Variants in MALRD1 observed in about 807,000 individuals in gnomAD.
MALRD1 encodes MAM and LDL receptor class A domain containing 1, also known as MAM and LDL-receptor class A domain-containing protein 1.
MALRD1 carries 247 observed loss-of-function variants against 242.1 expected under a neutral mutation model. The ratio of observed to expected loss-of-function variants is 1.02; its 90% confidence interval spans 0.92 to 1.13. The LOEUF is 1.13. Among genes scored for constraint, MALRD1 ranks in the 50% most tolerant of loss-of-function variants. MALRD1 has a pLI of 0.00. For synonymous variants in MALRD1, 995 were observed against 866.6 expected, an observed-to-expected ratio of 1.15 and a Z score of -2.60; for missense variants, 2,989 against 2,533.1, an observed-to-expected ratio of 1.18 and a Z score of -3.86.
chr10:19,071,191 A>C (rs1410474181), intron 2 of MALRD1, among the ~76,000 whole-genome samples: 1 of 151,996 alleles, frequency 6.6e-6, no homozygotes, highest in African/African-American at 2.4e-5. Context: ...AGCAGTCAAA[A>C]TATCAATTCA....
chr10:19,685,896 C>T (rs1285390775), intron 36 of MALRD1, among the ~76,000 whole-genome samples: 2 of 152,038 alleles, frequency 1.3e-5, no homozygotes, highest in Admixed American at 6.6e-5. Context: ...CAATGCCGTG[C>T]GGTGATAGGT....
At chr10:19,096,933 CCTT>C (rs1305170909) in intron 4 of MALRD1, among the ~76,000 whole-genome samples, 1 of 152,154 alleles carries the variant, frequency 6.6e-6, no homozygotes, top group East Asian at 1.9e-4. Context: ...CTAGGTCTCT[CCTT>C]TAATGAAATT....
intron 38 of MALRD1, among the ~76,000 whole-genome samples, chr10:19,693,429 T>C (rs563269292): frequency 5.3e-5 from 8 of 152,036 alleles, no homozygotes; most frequent in East Asian, 1.9e-4. Context: ...TATACACCAA[T>C]AACAGAAAAA....
chr10:19,732,561 C>G (rs1835340458), intron 39 of MALRD1, among the ~76,000 whole-genome samples: 1 of 152,138 alleles, frequency 6.6e-6, no homozygotes, highest in Admixed American at 6.5e-5. Context: ...CTGTACCTGG[C>G]CAGAACATTT....
intron 14 of MALRD1, among the ~76,000 whole-genome samples, chr10:19,179,629 T>TA (rs1181022289): frequency 6.6e-6 from 1 of 151,540 alleles, no homozygotes; most frequent in Non-Finnish European, 1.5e-5. Flanking sequence ...CACCCCCCCA[T>TA]AAAAAAGAGG....
rs12769963 is a variant in MALRD1, at chr10:19,171,465, T to C, written c.1831-3743T>C. Among the ~76,000 whole-genome samples the C allele has an allele frequency of 1.8e-3, 251 of 137,320 alleles. 8 individuals are homozygous for C. Among genetic ancestry groups the C allele is most frequent in the African/African-American group, 2.4e-3 (85 of 35,404 alleles). 90.1% of individuals were successfully genotyped at this position (137,320 alleles called of 152,430 possible). Reference sequence around the variant, plus strand: ...ATATATATATATATATATACACACATGTATATACACACACACATATATACA... The same window carrying C: ...ATATATATATATATATATACACACACGTATATACACACACACATATATACA... On this transcript the variant is annotated intron_variant, in intron 13 of 39. Coordinates refer to ENST00000454679, the MANE Select transcript of MALRD1 (RefSeq NM_001142308.3).
chr10:19,394,829 T>C (rs1471382365), intron 28 of MALRD1, among the ~76,000 whole-genome samples: 1 of 152,246 alleles, frequency 6.6e-6, no homozygotes, highest in East Asian at 1.9e-4. Context: ...CATCCTGTAA[T>C]TGCTTATACT....
intron 36 of MALRD1, among the ~76,000 whole-genome samples, chr10:19,618,846 C>T (rs952341003): frequency 1.3e-5 from 2 of 152,110 alleles, no homozygotes; most frequent in South Asian, 4.2e-4. Flanking sequence ...CTGCCCATGC[C>T]TGTCACTCTC....
chr10:19,609,167 T>C (rs1319848826), intron 35 of MALRD1, among the ~76,000 whole-genome samples: 2 of 152,070 alleles, frequency 1.3e-5, no homozygotes, highest in African/African-American at 2.4e-5. Flanking sequence ...AGACAATCTG[T>C]AGGTAGTGCT....
chr10:19,143,245 T>A (rs1453048961), intron 10 of MALRD1, among the ~76,000 whole-genome samples: 2 of 152,238 alleles, frequency 1.3e-5, no homozygotes, highest in African/African-American at 2.4e-5. Flanking sequence ...GTGGCTTTTA[T>A]CTTGAGAGCT....
chr10:19,189,466 G>A (rs1446661403), intron 14 of MALRD1, among the ~76,000 whole-genome samples: 1 of 151,776 alleles, frequency 6.6e-6, no homozygotes, highest in East Asian at 1.9e-4. Context: ...ATTCAATGAG[G>A]CCAGCATTAC....
rs139079678 is a variant in MALRD1 at position 19,721,260 on chromosome 10, G to C, written c.6315-9446G>C. On this transcript the variant is annotated intron_variant, in intron 38 of 39. Transcript: ENST00000454679. ...CTTTTATCTGGAAGATTGGATCTTTGGGAAAGGCTTCAAATTCCGTAAATC... is the reference window on the plus strand; with the variant it reads ...CTTTTATCTGGAAGATTGGATCTTTCGGAAAGGCTTCAAATTCCGTAAATC... 2.6e-5 allele frequency among the ~76,000 whole-genome samples: 4 copies of C among 152,098 alleles called. No individual in the cohort carries two copies. The East Asian group carries it at 7.7e-4, about 29-fold the overall frequency.
At position 19,316,290 on chromosome 10, in the gene MALRD1, G is replaced by C. The variant is rs183555325; in HGVS notation, c.3420-7659G>C. On this transcript the variant is annotated intron_variant, in intron 21 of 39. Transcript: ENST00000454679. ...AGATGTAGTGAACATTTCTATGCAG[G>C]ATATTAGGATCAGATGTGTATTTTG... Among the ~76,000 whole-genome samples the C allele has an allele frequency of 2.0e-5, 3 of 151,766 alleles. No homozygotes were observed. In the Admixed American group the frequency reaches 2.0e-4, roughly 10 times the overall value.
chr10:19,358,637 G>A (rs1403061362), intron 26 of MALRD1, among the ~76,000 whole-genome samples: 1 of 152,098 alleles, frequency 6.6e-6, no homozygotes, highest in Non-Finnish European at 1.5e-5. Context: ...TTTACGTTCT[G>A]TACCATGGGG....
At chr10:19,351,579 ATAATT>A (rs1355268416) in intron 25 of MALRD1, among the ~76,000 whole-genome samples, 2 of 152,200 alleles carry the variant, frequency 1.3e-5, no homozygotes, top group Admixed American at 6.5e-5. Context: ...AGAAAATAAA[ATAATT>A]TAAGTTTCAT....
At chr10:19,444,380 G>A (rs1266665661) in intron 28 of MALRD1, among the ~76,000 whole-genome samples, 1 of 152,190 alleles carries the variant, frequency 6.6e-6, no homozygotes, top group East Asian at 1.9e-4. Flanking sequence ...TTGCTCGTTA[G>A]TTGATGCAGT....
intron 18 of MALRD1, among the ~76,000 whole-genome samples, chr10:19,217,898 T>A (rs1293854386): frequency 6.6e-6 from 1 of 152,168 alleles, no homozygotes; most frequent in Admixed American, 6.5e-5. Context: ...TCCTTGTTGC[T>A]CTAGCACCTA....
At chr10:19,349,022 C>T (rs371392160) in intron 25 of MALRD1, among the ~76,000 whole-genome samples, 148 of 152,178 alleles carry the variant, frequency 9.7e-4, no homozygotes, top group African/African-American at 3.2e-3. Flanking sequence ...AGTGCAGTGG[C>T]GTGATTTCAG....
At chr10:19,544,220 G>A (rs950634266) in intron 32 of MALRD1, among the ~76,000 whole-genome samples, 2 of 151,186 alleles carry the variant, frequency 1.3e-5, no homozygotes, top group Non-Finnish European at 2.9e-5. Context: ...ATGCAGTCTC[G>A]CTCTTGTCAC....
Sources: allele counts gnomAD v4.1 joint callset (sites outside exome capture counted in the v4.1 genomes callset), GRCh38; gene constraint gnomAD v4.1.1; transcripts MANE v1.5; gene names NCBI Gene and HGNC (gene_info 2026-07-23, HGNC 2026-07-21).